The following PTPRM variants were observed in gnomAD, a reference collection of about 807,000 sequenced individuals.
PTPRM encodes the protein protein tyrosine phosphatase receptor type M.
Under a neutral mutation model 186.7 loss-of-function variants are expected in PTPRM, and 47 were observed. That is an observed-to-expected ratio of 0.25 (90% CI 0.20 to 0.32). The LOEUF is 0.32. PTPRM is among the 10% of genes least tolerant of loss of function. PTPRM has a pLI of 1.00. For synonymous variants in PTPRM, 668 were observed against 674.9 expected, an observed-to-expected ratio of 0.99 and a Z score of 0.16; for missense variants, 1,494 against 1,865.0, an observed-to-expected ratio of 0.80 and a Z score of 3.66.
intron 2 of PTPRM, among the ~76,000 whole-genome samples, chr18:7,871,904 T>C (rs2048001612): frequency 6.6e-6 from 1 of 152,224 alleles, no homozygotes; most frequent in African/African-American, 2.4e-5. Flanking sequence ...ACACAGTACA[T>C]TTTAAAGTTT....
intron 1 of PTPRM, among the ~76,000 whole-genome samples, chr18:7,645,121 T>C (rs190209382): frequency 1.3e-5 from 2 of 152,310 alleles, no homozygotes; most frequent in Admixed American, 6.5e-5. Flanking sequence ...CCTAAAACTC[T>C]ACAAAATTTG....
At chr18:8,167,131 A>T (rs2093335369) in intron 14 of PTPRM, among the ~76,000 whole-genome samples, 1 of 152,220 alleles carries the variant, frequency 6.6e-6, no homozygotes, top group Non-Finnish European at 1.5e-5. Flanking sequence ...CCTTTAGCAT[A>T]TGAAGCATCT....
chr18:8,122,143 A>G (rs1600687695), intron 13 of PTPRM: 1 of 152,260 alleles, frequency 6.6e-6, no homozygotes, highest in African/African-American at 2.4e-5. Context: ...AAGTTGAGAC[A>G]ATTTGATATA....
chr18:7,735,905 C>A (rs2040760449), intron 1 of PTPRM, among the ~76,000 whole-genome samples: 1 of 151,796 alleles, frequency 6.6e-6, no homozygotes, highest in Admixed American at 6.6e-5. Context: ...TAACCAATTG[C>A]CAATCAGGAA....
intron 2 of PTPRM, among the ~76,000 whole-genome samples, chr18:7,877,054 T>C (rs9748638): frequency 0.15 from 23,052 of 152,120 alleles, 2,931 homozygotes; most frequent in African/African-American, 0.34. Context: ...TGTTAGCTAT[T>C]ATCAATTCCC....
rs114194120 is a variant in PTPRM, at chr18:7,797,692, G to T, written c.196+23421G>T. 9.3e-4 allele frequency among the ~76,000 whole-genome samples: 141 copies of T among 151,960 alleles called. 1 individual carries two copies. The highest frequency in any genetic ancestry group is 3.3e-3 in the African/African-American group (136 of 41,232). ...GTGGGAAAGCAGCACCCAGGAGAAT[G>T]TGCTGTGATGACAGCAGCAGCAGAA... On this transcript the variant is annotated intron_variant, in intron 2 of 32. Coordinates refer to ENST00000580170, the MANE Select transcript of PTPRM (RefSeq NM_001105244.2).
intron 7 of PTPRM, among the ~76,000 whole-genome samples, chr18:8,031,730 C>T (rs769288480): frequency 9.9e-5 from 15 of 152,134 alleles, no homozygotes; most frequent in East Asian, 1.9e-4. Flanking sequence ...GGAGATATGA[C>T]GGTTGCTGTA....
chr18:8,193,098 C>T (rs946651834), intron 14 of PTPRM, among the ~76,000 whole-genome samples: 1 of 152,090 alleles, frequency 6.6e-6, no homozygotes, highest in Admixed American at 6.5e-5. Flanking sequence ...TATAGGAGAT[C>T]CATGCTGAAG....
At chr18:7,587,651 G>A (rs1047779568) in intron 1 of PTPRM, among the ~76,000 whole-genome samples, 3 of 151,896 alleles carry the variant, frequency 2.0e-5, no homozygotes, top group Admixed American at 1.3e-4. Context: ...GTTTAACCCA[G>A]AAATATGAAG....
chr18:8,017,482 C>G (rs2084944111), intron 7 of PTPRM, among the ~76,000 whole-genome samples: 1 of 148,312 alleles, frequency 6.7e-6, no homozygotes, highest in Non-Finnish European at 1.5e-5. Context: ...ACTCAGGAGG[C>G]TGAGGCAAGA....
intron 20 of PTPRM, among the ~76,000 whole-genome samples, chr18:8,313,369 C>T (rs1322852189): frequency 6.6e-6 from 1 of 152,044 alleles, no homozygotes. Flanking sequence ...AGGAAGGGTC[C>T]CTCTGCTAAA....
At chr18:8,350,679 C>T (rs1169454075) in intron 23 of PTPRM, among the ~76,000 whole-genome samples, 1 of 152,248 alleles carries the variant, frequency 6.6e-6, no homozygotes, top group East Asian at 1.9e-4. Context: ...TGATTCCTGT[C>T]GAATCCAGAA....
chr18:7,610,752 G>T (rs941804661), intron 1 of PTPRM, among the ~76,000 whole-genome samples: 1 of 152,196 alleles, frequency 6.6e-6, no homozygotes, highest in Non-Finnish European at 1.5e-5. Context: ...ACACAATTCT[G>T]TTCAGCACAT....
At chr18:7,914,788 G>A (rs573262158) in intron 4 of PTPRM, among the ~76,000 whole-genome samples, 4 of 152,238 alleles carry the variant, frequency 2.6e-5, no homozygotes, top group Admixed American at 2.6e-4. Context: ...CAGCGTTAGA[G>A]TAAGCAGTAC....
intron 24 of PTPRM, among the ~76,000 whole-genome samples, chr18:8,372,721 G>GA (rs5823006): frequency 1.4e-3 from 200 of 145,714 alleles, no homozygotes; most frequent in Middle Eastern, 7.0e-3. Flanking sequence ...GGCAGAATTG[G>GA]AAAAAAAAAA....
In PTPRM at chr18:7,874,549, C is replaced by CAA. The variant is rs369374276; in HGVS notation, c.197-13548_197-13547dup. On this transcript the variant is annotated intron_variant, in intron 2 of 32. Transcript: ENST00000580170. ...ATTTTTAAAGTGGTTATGCTAGAGG[C>CAA]AAAAAAAAAAGAGAGAGAGAAACAC... 2.0e-3 allele frequency among the ~76,000 whole-genome samples: 268 copies of CAA among 136,858 alleles called. 1 individual carries two copies. The highest frequency in any genetic ancestry group is 6.8e-3 in the African/African-American group (253 of 37,280). 89.8% of individuals were successfully genotyped at this position (136,858 alleles called of 152,430 possible). A position where few individuals can be genotyped will look rare whatever the true frequency, so the allele number is the denominator to read the frequency against.
rs1290850210 is a variant in PTPRM at position 7,906,501 on chromosome 18, C to A, written c.469-4C>A. The A allele has an allele frequency of 1.2e-6, 2 of 1,605,204 alleles. No homozygotes were observed. The highest frequency in any genetic ancestry group is 1.7e-6 in the Non-Finnish European group (2 of 1,172,162). Reference sequence around the variant, plus strand: ...AATAATGTAAATCTTTCTTAATTTTCCAGGTGATTTTTGAAGTGATAACTT... The same window carrying A: ...AATAATGTAAATCTTTCTTAATTTTACAGGTGATTTTTGAAGTGATAACTT... On this transcript the variant is annotated splice_region_variant and splice_polypyrimidine_tract_variant and intron_variant, in intron 3 of 32. Coordinates refer to ENST00000580170, the MANE Select transcript of PTPRM (RefSeq NM_001105244.2).
intron 7 of PTPRM, among the ~76,000 whole-genome samples, chr18:8,018,903 A>G (rs531981518): frequency 6.6e-6 from 1 of 152,326 alleles, no homozygotes; most frequent in Admixed American, 6.5e-5. Context: ...ATTAGGTGGC[A>G]AGACTTCCAG....
intron 1 of PTPRM, 67 bp from the exon 2 acceptor site, chr18:7,774,082 A>C: frequency 1.3e-6 from 2 of 1,484,162 alleles, no homozygotes; most frequent in Non-Finnish European, 1.9e-6. Flanking sequence ...GGCTTCCTGC[A>C]ATCATCATAG....
Sources: allele counts gnomAD v4.1 joint callset (sites outside exome capture counted in the v4.1 genomes callset), GRCh38; gene constraint gnomAD v4.1.1; transcripts MANE v1.5; gene names NCBI Gene and HGNC (gene_info 2026-07-23, HGNC 2026-07-21).